ANKS1B: variants seen among roughly 807,000 people sequenced by gnomAD.
The protein encoded by ANKS1B is ankyrin repeat and sterile alpha motif domain containing 1B.
In ANKS1B, 36 loss-of-function variants were observed where a neutral mutation model predicts 148.3. The observed-to-expected ratio is 0.24, with a 90% CI of 0.19 to 0.32. ANKS1B has a LOEUF of 0.32. ANKS1B is among the 10% of genes least tolerant of loss of function. The pLI is 1.00. For synonymous variants in ANKS1B, 542 were observed against 560.8 expected (o/e 0.97, Z 0.47); for missense variants, 1,157 against 1,542.6 (o/e 0.75, Z 4.19).
intron 1 of ANKS1B, among the ~76,000 whole-genome samples, chr12:99,955,915 A>G (rs1326276300): frequency 6.6e-6 from 1 of 152,222 alleles, no homozygotes; most frequent in Non-Finnish European, 1.5e-5. Context: ...TAATATCTAA[A>G]GAAAATTGTA....
At chr12:98,942,510 C>A (rs964082252) in intron 17 of ANKS1B, among the ~76,000 whole-genome samples, 25 of 152,186 alleles carry the variant, frequency 1.6e-4, no homozygotes, top group African/African-American at 6.0e-4. Context: ...TCATCCTCCA[C>A]CTCCTGCCAA....
At chr12:99,243,632 G>T (rs543140556) in intron 14 of ANKS1B, among the ~76,000 whole-genome samples, 1 of 152,298 alleles carries the variant, frequency 6.6e-6, no homozygotes, top group East Asian at 1.9e-4. Flanking sequence ...CAACCCAAAT[G>T]TCCACCAGTG....
chr12:98,999,372 T>A (rs1380179423), intron 17 of ANKS1B, among the ~76,000 whole-genome samples: 1 of 152,190 alleles, frequency 6.6e-6, no homozygotes, highest in Admixed American at 6.5e-5. Context: ...TGGAGCAAAG[T>A]AGCTTATGTG....
intron 16 of ANKS1B, among the ~76,000 whole-genome samples, chr12:99,077,004 C>T (rs2048073198): frequency 6.6e-6 from 1 of 151,878 alleles, no homozygotes; most frequent in Non-Finnish European, 1.5e-5. Flanking sequence ...AACCCCTGAG[C>T]ACTGAGCATA....
intron 15 of ANKS1B, among the ~76,000 whole-genome samples, chr12:99,152,805 A>G (rs1349553797): frequency 6.6e-6 from 1 of 152,160 alleles, no homozygotes; most frequent in Admixed American, 6.5e-5. Context: ...TACAGTAAAC[A>G]TAAATAATAA....
At chr12:98,750,850 C>T (rs1357074583) in intron 26 of ANKS1B, among the ~76,000 whole-genome samples, 5 of 152,224 alleles carry the variant, frequency 3.3e-5, no homozygotes, top group Admixed American at 1.3e-4. Context: ...GCCTCAGCTG[C>T]GGGAGACAAA....
At chr12:99,599,373 T>G (rs1197164674) in intron 9 of ANKS1B, among the ~76,000 whole-genome samples, 1 of 152,006 alleles carries the variant, frequency 6.6e-6, no homozygotes, top group Non-Finnish European at 1.5e-5. Flanking sequence ...TAAAAGAGGC[T>G]AGCAGGTCAG....
At chr12:99,000,160 A>C (rs2099932062) in intron 17 of ANKS1B, among the ~76,000 whole-genome samples, 1 of 152,142 alleles carries the variant, frequency 6.6e-6, no homozygotes, top group African/African-American at 2.4e-5. Flanking sequence ...TACATGAACA[A>C]CAACAAAAAT....
intron 12 of ANKS1B, among the ~76,000 whole-genome samples, chr12:99,382,663 A>G (rs1320687026): frequency 7.0e-6 from 1 of 142,738 alleles, no homozygotes; most frequent in Non-Finnish European, 1.5e-5. Context: ...ATACCACTGC[A>G]CTCCAGCCTG....
At chr12:99,921,745 G>A (rs760890480) in intron 1 of ANKS1B, among the ~76,000 whole-genome samples, 8 of 152,006 alleles carry the variant, frequency 5.3e-5, no homozygotes, top group Non-Finnish European at 1.2e-4. Context: ...TCACAGGATG[G>A]CTTTTCATCT....
chr12:99,695,725 G>A (rs918291638), intron 8 of ANKS1B, among the ~76,000 whole-genome samples: 1 of 152,124 alleles, frequency 6.6e-6, no homozygotes, highest in African/African-American at 2.4e-5. Context: ...ACTGGGGCCT[G>A]TCGGGGGAGG....
intron 8 of ANKS1B, among the ~76,000 whole-genome samples, chr12:99,702,345 G>A (rs1200636694): frequency 6.6e-6 from 1 of 152,110 alleles, no homozygotes; most frequent in Non-Finnish European, 1.5e-5. Context: ...CTTCTTTTGA[G>A]AAATGTCTAT....
rs564817003 is a variant in ANKS1B, at chr12:99,962,052, T to A, written c.134+22052A>T. Among the ~76,000 whole-genome samples, 3 of 152,350 alleles carry A rather than the reference T, an allele frequency of 2.0e-5. No homozygotes were observed. In the East Asian group the frequency reaches 5.8e-4, roughly 29 times the overall value. ...TCTTGTGTATTAAGTATGACATTTT[T>A]TAAATCCAGGCTGGTTTAGTTGTTT... is the stretch of plus-strand genomic sequence containing the variant. On this transcript the variant is annotated intron_variant, in intron 1 of 26. Transcript: ENST00000683438.
intron 13 of ANKS1B, 110 bp downstream of exon 13, chr12:99,246,165 G>C: frequency 3.8e-6 from 3 of 781,290 alleles, no homozygotes; most frequent in Non-Finnish European, 5.8e-6. Flanking sequence ...GGAGCCGTAT[G>C]CTTTTTTTTT....
intron 8 of ANKS1B, among the ~76,000 whole-genome samples, chr12:99,726,712 C>A (rs1374384141): frequency 6.6e-6 from 1 of 152,156 alleles, no homozygotes; most frequent in East Asian, 1.9e-4. Context: ...GCCAATATCC[C>A]TGATGAATAT....
At chr12:99,969,070 C>T (rs896932850) in intron 1 of ANKS1B, among the ~76,000 whole-genome samples, 1 of 152,118 alleles carries the variant, frequency 6.6e-6, no homozygotes, top group Non-Finnish European at 1.5e-5. Flanking sequence ...ACACACTCGC[C>T]CATCTGGAAA....
At chr12:98,807,076 T>A (rs575728176) in intron 20 of ANKS1B, among the ~76,000 whole-genome samples, 9 of 152,192 alleles carry the variant, frequency 5.9e-5, no homozygotes, top group African/African-American at 1.9e-4. Flanking sequence ...GGCTATCCAA[T>A]GGGAGAAATT....
At chr12:99,943,337 T>G (rs980118417) in intron 1 of ANKS1B, among the ~76,000 whole-genome samples, 1 of 152,194 alleles carries the variant, frequency 6.6e-6, no homozygotes, top group African/African-American at 2.4e-5. Context: ...GTTATAAAAC[T>G]GCAGCACAAA....
intron 17 of ANKS1B, among the ~76,000 whole-genome samples, chr12:99,018,116 G>C (rs1277633236): frequency 6.6e-6 from 1 of 152,160 alleles, no homozygotes; most frequent in Admixed American, 6.5e-5. Flanking sequence ...TAAAGGGCCT[G>C]CTATGGTCTG....
Sources: gnomAD v4.1 joint callset for allele counts (sites outside exome capture counted in the v4.1 genomes callset) on GRCh38, gnomAD v4.1.1 for gene constraint, MANE v1.5 for transcripts, NCBI Gene and HGNC (gene_info 2026-07-23, HGNC 2026-07-21) for gene names.